The following SACS variants were observed in gnomAD, a reference collection of about 807,000 sequenced individuals.
SACS encodes the protein sacsin molecular chaperone.
SACS carries 197 observed loss-of-function variants against 348.0 expected under a neutral mutation model. The observed-to-expected ratio is 0.57, with a 90% CI of 0.50 to 0.64. The LOEUF is 0.64. Ranked by LOEUF, SACS falls within the 30% of genes least tolerant of loss-of-function variation. The pLI, the probability that SACS is intolerant of heterozygous loss-of-function variation, is 0.00. For missense variants in SACS, 4,999 were observed against 5,360.8 expected (o/e 0.93, Z 2.11); for synonymous variants, 1,985 against 1,910.6 (o/e 1.04, Z -1.02).
In SACS at chr13:23,338,490, C is replaced by A; in HGVS notation, c.5386G>T (p.Ala1796Ser). The A allele has an allele frequency of 1.9e-6, 3 of 1,614,160 alleles. No individual in the cohort carries two copies. Among genetic ancestry groups the A allele is most frequent in the Non-Finnish European group, 2.5e-6 (3 of 1,180,014 alleles). ...GGCTTTTTTGATTGGCCAGACTTAG[C>A]CATTTCAAAGAGAGCAGCTGGGTCA... is the stretch of plus-strand genomic sequence containing the variant. ...DDDPAALFEMAKSGQSKKPSD... is the reference protein window; with the variant it reads ...DDDPAALFEMSKSGQSKKPSD... The change falls in exon 10 of 10, where the codon GCT becomes TCT. Residue 1796 changes from alanine (A) to serine (S), a missense_variant. Ala to Ser is a moderately conservative substitution (Grantham distance 99). Coordinates refer to ENST00000382292, the MANE Select transcript of SACS (RefSeq NM_014363.6).
intron 2 of SACS, among the ~76,000 whole-genome samples, chr13:23,405,591 A>C (rs1873169882): frequency 6.6e-6 from 1 of 152,212 alleles, no homozygotes; most frequent in African/African-American, 2.4e-5. Context: ...GCACAGCAAA[A>C]GAAACTATCA....
intron 5 of SACS, among the ~76,000 whole-genome samples, chr13:23,366,031 A>G (rs1000199937): frequency 1.3e-5 from 2 of 152,202 alleles, no homozygotes; most frequent in African/African-American, 4.8e-5. Flanking sequence ...GGCTCCGTTC[A>G]GTTTGAAGGG....
chr13:23,388,727 G>A (rs946642656), intron 2 of SACS, among the ~76,000 whole-genome samples: 1 of 117,394 alleles, frequency 8.5e-6, no homozygotes, highest in East Asian at 2.9e-4. Flanking sequence ...TGGAGACTCA[G>A]AAGCAGGGAG....
intron 1 of SACS, among the ~76,000 whole-genome samples, chr13:23,418,549 C>G (rs1465865756): frequency 6.6e-6 from 1 of 152,144 alleles, no homozygotes; most frequent in East Asian, 1.9e-4. Context: ...CTCTGTCTCT[C>G]CAGCTGGAGG....
At position 23,332,599 on chromosome 13, in the gene SACS, C is replaced by A. The variant is rs777278208; in HGVS notation, c.11277G>T (p.Thr3759=). The A allele has an allele frequency of 6.8e-6, 11 of 1,613,558 alleles. No individual in the cohort carries two copies. The highest frequency in any genetic ancestry group is 9.3e-6 in the Non-Finnish European group (11 of 1,179,868). The change falls in exon 10 of 10, where the codon ACG becomes ACT. Residue 3759 remains threonine (T), a synonymous_variant. Transcript: ENST00000382292. The stretch of plus-strand genomic sequence containing the variant: ...TTTTTACCATTTCTTCATCCAACGT[C>A]GTTATGTTGCATATGTTTCTGCAGT... The part of the protein sequence containing the change: ...INNCRNICNI[T]TLDEEMVKTR...
chr13:23,408,911 G>A (rs1432326037), intron 2 of SACS, among the ~76,000 whole-genome samples: 11 of 151,292 alleles, frequency 7.3e-5, no homozygotes, highest in African/African-American at 1.9e-4. Context: ...GCAGTGAGCC[G>A]AGATTGCGCC....
Position 23,334,501 on chromosome 13 carries a change from A to G in SACS, c.9375T>C (p.Asn3125=). ...GKLPCRLQQT[N]LKLFHSLKLL... ...GTTTTAAACTATGAAAAAGTTTTAG[A>G]TTAGTCTGCTGCAGACGACAAGGCA... The change falls in exon 10 of 10, where the codon AAT becomes AAC. Residue 3125 remains asparagine, a synonymous_variant. Transcript: ENST00000382292. 6.2e-7 allele frequency: 1 copy of G among 1,613,308 alleles called. No individual in the cohort carries two copies. Among genetic ancestry groups the G allele is most frequent in the Non-Finnish European group, 8.5e-7 (1 of 1,179,760 alleles).
intron 1 of SACS, among the ~76,000 whole-genome samples, chr13:23,423,950 A>G (rs1372165550): frequency 6.6e-6 from 1 of 152,200 alleles, no homozygotes; most frequent in Non-Finnish European, 1.5e-5. Flanking sequence ...ATATACGAGT[A>G]TCCATCCCTA....
chr13:23,333,378 G>A lies in SACS; in HGVS notation c.10498C>T (p.Leu3500Phe), dbSNP rs754075561. ...YDAKLEHLIY[L>F]KNRLSSAEEL... The stretch of plus-strand genomic sequence containing the variant: ...TCAGCACTTGATAATCTATTCTTAA[G>A]GTAGATCAAGTGCTCTAATTTTGCA... The change falls in exon 10 of 10, where the codon CTT becomes TTT. Residue 3500 changes from leucine (L) to phenylalanine (F), a missense_variant. Transcript: ENST00000382292. The A allele has an allele frequency of 8.7e-6, 14 of 1,602,190 alleles. No individual in the cohort carries two copies. In the South Asian group the frequency reaches 1.1e-4, roughly 13 times the overall value.
chr13:23,348,819 A>T (rs1869777658), intron 9 of SACS, among the ~76,000 whole-genome samples: 1 of 152,228 alleles, frequency 6.6e-6, no homozygotes, highest in Non-Finnish European at 1.5e-5. Flanking sequence ...CATGCAGGAA[A>T]AAAAATACTG....
chr13:23,375,019 G>C (rs1164153195), intron 3 of SACS, 100 bp downstream of exon 3: 1 of 1,218,368 alleles, frequency 8.2e-7, no homozygotes. Context: ...GGAGTCATTC[G>C]CGCCGCCCGC....
Position 23,409,040 on chromosome 13 carries a change from C to CTTTTTTTTTTTTTTTTTTTTTTTTTTT in SACS, c.20+2153_20+2179dup, listed in dbSNP as rs1175897856. ...TATGGTCTTAATAAAACAAGTTTTA[C>CTTTTTTTTTTTTTTTTTTTTTTTTTTT]TTTTTTTTTTTTTTTTTTTTTTTTT... On this transcript the variant is annotated intron_variant, in intron 2 of 9. Coordinates refer to ENST00000382292, the MANE Select transcript of SACS (RefSeq NM_014363.6). 5.4e-4 allele frequency among the ~76,000 whole-genome samples: 19 copies of CTTTTTTTTTTTTTTTTTTTTTTTTTTT among 35,148 alleles called. 7 individuals are homozygous for CTTTTTTTTTTTTTTTTTTTTTTTTTTT. The highest frequency in any genetic ancestry group is 7.8e-4 in the Non-Finnish European group (16 of 20,388). 23.1% of individuals were successfully genotyped at this position (35,148 alleles called of 152,430 possible). A position where few individuals can be genotyped will look rare whatever the true frequency, so the allele number is the denominator to read the frequency against.
In SACS at chr13:23,355,280, T is replaced by C. The variant is rs1039811925; in HGVS notation, c.1332A>G (p.Ala444=). Residue 444 remains alanine, a synonymous_variant, in exon 8 of 10, where the codon GCA becomes GCG. Coordinates refer to ENST00000382292, the MANE Select transcript of SACS (RefSeq NM_014363.6). The part of the protein sequence containing the change: ...KGATSDFSGK[A]FCFLPLPPGE... ...CAGGTGGTAAAGGAAGGAAACAAAA[T>C]GCTTTTCCTGAGAAATCAGACGTTG... 6 of 1,614,144 alleles carry C rather than the reference T, an allele frequency of 3.7e-6. No homozygotes were observed. Among genetic ancestry groups the C allele is most frequent in the African/African-American group, 1.3e-5 (1 of 75,042 alleles).
intron 2 of SACS, among the ~76,000 whole-genome samples, chr13:23,388,702 T>G (rs1872407214): frequency 8.5e-6 from 1 of 117,674 alleles, no homozygotes; most frequent in Non-Finnish European, 1.6e-5. Flanking sequence ...GCATACAGAG[T>G]GGTACAGTGG....
chr13:23,332,843 G>C lies in SACS; in HGVS notation c.11033C>G (p.Pro3678Arg). The change falls in exon 10 of 10, where the codon CCT (proline) becomes CGT (arginine). Residue 3678 changes from proline (P) to arginine (R), a missense_variant. This residue lies in a region of SACS where 831 missense variants were observed against 941.8 expected (regional missense o/e 0.88). Coordinates refer to ENST00000382292, the MANE Select transcript of SACS (RefSeq NM_014363.6). ...PQYQEVNGTL[P>R]LIKFNGAQVN... is the part of the protein sequence containing the mutation. ...CTGTGCTCCATTGAACTTTATAAGAGGAAGTGTTCCATTTACCTCTTGATA... is the reference window on the plus strand; with the variant it reads ...CTGTGCTCCATTGAACTTTATAAGACGAAGTGTTCCATTTACCTCTTGATA... The C allele has an allele frequency of 1.9e-6, 3 of 1,613,814 alleles. No homozygotes were observed. Among genetic ancestry groups the C allele is most frequent in the Non-Finnish European group, 2.5e-6 (3 of 1,179,924 alleles).
rs1868666524 is a variant in SACS at position 23,336,948 on chromosome 13, G to A, written c.6928C>T (p.Leu2310=). 6.2e-7 allele frequency: 1 copy of A among 1,613,896 alleles called. No homozygotes were observed. Among genetic ancestry groups the A allele is most frequent in the Middle Eastern group, 1.6e-4 (1 of 6,062 alleles). Residue 2310 remains leucine (L), a synonymous_variant, in exon 10 of 10, where the codon CTG becomes TTG. Transcript: ENST00000382292. ...VAKSVDDGIT[L]YQENITNACY... The stretch of plus-strand genomic sequence containing the variant: ...GCATTGGTGATATTCTCCTGGTACA[G>A]TGTAATTCCATCATCAACTGATTTT...
At chr13:23,421,331 C>T (rs1873931733) in intron 1 of SACS, among the ~76,000 whole-genome samples, 1 of 151,984 alleles carries the variant, frequency 6.6e-6, no homozygotes, top group Non-Finnish European at 1.5e-5. Flanking sequence ...GCTTGATATT[C>T]ACCAGGGGTT....
intron 2 of SACS, among the ~76,000 whole-genome samples, chr13:23,400,254 C>T (rs1163483500): frequency 1.3e-5 from 2 of 152,024 alleles, no homozygotes; most frequent in African/African-American, 4.8e-5. Context: ...AATGTTATGC[C>T]AGAGTGAGAC....
chr13:23,357,751 TG>T (rs200720424), intron 7 of SACS, among the ~76,000 whole-genome samples: 9 of 42,238 alleles, frequency 2.1e-4, no homozygotes, highest in Admixed American at 1.1e-3. Flanking sequence ...TATTTCCTAT[TG>T]TTAACTAGGA....
Sources: gnomAD v4.1 joint callset for allele counts (sites outside exome capture counted in the v4.1 genomes callset) on GRCh38, gnomAD v4.1.1 for gene constraint, gnomAD v4.1.1 regional missense constraint, MANE v1.5 for transcripts, NCBI Gene and HGNC (gene_info 2026-07-23, HGNC 2026-07-21) for gene names.